ANKRD36C: variants seen among roughly 807,000 people sequenced by gnomAD.
ANKRD36C encodes ankyrin repeat domain 36C.
ANKRD36C carries 61 observed loss-of-function variants against 276.4 expected under a neutral mutation model. That is an observed-to-expected ratio of 0.22 (90% CI 0.18 to 0.27). ANKRD36C has a LOEUF of 0.27. Ranked by LOEUF, ANKRD36C falls within the 10% of genes least tolerant of loss-of-function variation. The pLI, the probability that ANKRD36C is intolerant of heterozygous loss-of-function variation, is 1.00. For synonymous variants in ANKRD36C, 483 were observed against 680.1 expected, an observed-to-expected ratio of 0.71 and a Z score of 4.51; for missense variants, 1,447 against 2,032.3, an observed-to-expected ratio of 0.71 and a Z score of 5.54.
chr2:95,912,770 T>A (rs960086621), intron 40 of ANKRD36C, among the ~76,000 whole-genome samples: 2 of 151,490 alleles, frequency 1.3e-5, no homozygotes, highest in African/African-American at 4.8e-5. Flanking sequence ...CACGTGAGAA[T>A]CAATGTCAGA....
Position 95,903,033 on chromosome 2 carries a change from A to G in ANKRD36C, c.2654-3697T>C, listed in dbSNP as rs1676703685. 6.4e-7 allele frequency: 1 copy of G among 1,570,458 alleles called. No individual in the cohort carries two copies. Among genetic ancestry groups the G allele is most frequent in the African/African-American group, 1.4e-5 (1 of 73,386 alleles). On this transcript the variant is annotated intron_variant, in intron 42 of 66. Coordinates refer to ENST00000456556, the Ensembl canonical transcript of ANKRD36C. ...GACTATACATTTACTAGTTCACAAT[A>G]TAAATGACAGTTTCATTACCTTCAA...
Position 95,953,186 on chromosome 2 carries a change from ACTCT to A in ANKRD36C, c.1203+749_1203+752del, listed in dbSNP as rs570777195. Among the ~76,000 whole-genome samples, 35 of 152,148 alleles carry A rather than the reference ACTCT, an allele frequency of 2.3e-4. No homozygotes were observed. The East Asian group carries it at 4.8e-3, about 21-fold the overall frequency. On this transcript the variant is annotated intron_variant, in intron 14 of 66. Transcript: ENST00000456556. ...AAAAGGCTTGGAAAACACAGTGTAA[ACTCT>A]CTCTAATACAGATTTGAGCACAGAA...
intron 30 of ANKRD36C, 127 bp from the exon 31 acceptor site, chr2:95,923,816 C>A: frequency 1.5e-6 from 2 of 1,369,796 alleles, no homozygotes; most frequent in South Asian, 1.3e-5. Flanking sequence ...ATTTTTGTGT[C>A]TGGGGACTGG....
intron 54 of ANKRD36C, 60 bp downstream of exon 74, chr2:95,884,113 G>A (rs1235068549): frequency 7.9e-6 from 12 of 1,527,754 alleles, no homozygotes; most frequent in Non-Finnish European, 9.8e-6. Context: ...ATTTATTTGG[G>A]AAGAGAAGTT....
intron 14 of ANKRD36C, among the ~76,000 whole-genome samples, chr2:95,952,430 G>A (rs1176378481): frequency 5.3e-5 from 8 of 151,318 alleles, no homozygotes; most frequent in African/African-American, 2.0e-4. Flanking sequence ...TAAAATTCCA[G>A]CAACTTAACA....
At chr2:95,968,071 G>A (rs887320297) in intron 6 of ANKRD36C, among the ~76,000 whole-genome samples, 7 of 151,986 alleles carry the variant, frequency 4.6e-5, no homozygotes, top group African/African-American at 1.5e-4. Context: ...CAGCCAGGGT[G>A]ACAAAGTGAG....
intron 1 of ANKRD36C, among the ~76,000 whole-genome samples, chr2:95,989,505 G>A (rs996276578): frequency 2.6e-5 from 4 of 151,420 alleles, no homozygotes; most frequent in African/African-American, 9.7e-5. Context: ...ATCTGCAAAG[G>A]TCCCATATTG....
Position 95,916,406 on chromosome 2 carries a change from C to T in ANKRD36C, c.2348-235G>A, listed in dbSNP as rs183751279. On this transcript the variant is annotated intron_variant, in intron 36 of 66. Coordinates refer to ENST00000456556, the Ensembl canonical transcript of ANKRD36C. ...AAACATGGTATGATTTGTCATGTGT[C>T]GAAAACTAAAATAAAACCGTGTCAA... Among the ~76,000 whole-genome samples the T allele has an allele frequency of 9.6e-4, 146 of 151,504 alleles. 2 individuals are homozygous for T. The highest frequency in any genetic ancestry group is 3.9e-4 in the East Asian group (2 of 5,098).
At chr2:95,886,340 C>A in intron 50 of ANKRD36C, 96 bp from the exon 71 acceptor site, 1 of 1,058,434 alleles carries the variant, frequency 9.4e-7, no homozygotes, top group Non-Finnish European at 1.4e-6. Flanking sequence ...CCTCTGTCTG[C>A]AGTTATTAGT....
chr2:95,903,381 A>C (rs113142177), intron 42 of ANKRD36C, among the ~76,000 whole-genome samples: 6,186 of 148,904 alleles, frequency 0.042, 428 homozygotes, highest in East Asian at 0.15. Flanking sequence ...ACAAAGTGAT[A>C]TAAAATCAGA....
chr2:95,870,161 T>C (rs1675773163), intron 59 of ANKRD36C, among the ~76,000 whole-genome samples: 1 of 152,184 alleles, frequency 6.6e-6, no homozygotes, highest in Admixed American at 6.5e-5. Context: ...AAGACAGCAG[T>C]GGTTCTCCCA....
rs367648513 is a variant in ANKRD36C, at chr2:95,946,802, G to A, written c.1363-1628C>T. ...AAATCATCATTCTCAGTAAACTATC[G>A]CAAGAACAAAAAACCAAACACCGCA... is the stretch of plus-strand genomic sequence containing the variant. On this transcript the variant is annotated intron_variant, in intron 17 of 66. Transcript: ENST00000456556. 1.4e-4 allele frequency among the ~76,000 whole-genome samples: 21 copies of A among 151,616 alleles called. 1 individual carries two copies. In the South Asian group the frequency reaches 2.1e-3, roughly 15 times the overall value.
At chr2:95,851,746 T>G in exon 66 of ANKRD36C, 1 of 1,533,252 alleles carries the variant, frequency 6.5e-7, no homozygotes, top group Non-Finnish European at 8.8e-7. Context: ...TTCATCCTGT[T>G]TTTTAATAAT....
intron 61 of ANKRD36C, among the ~76,000 whole-genome samples, chr2:95,859,111 G>A (rs1227051224): frequency 6.6e-6 from 1 of 151,316 alleles, no homozygotes; most frequent in Non-Finnish European, 1.5e-5. Flanking sequence ...TCTGCTCACT[G>A]CAACCTCTGC....
chr2:95,880,718 G>T (rs1676058024), intron 56 of ANKRD36C, 95 bp from the exon 77 acceptor site: 1 of 1,423,016 alleles, frequency 7.0e-7, no homozygotes, highest in African/African-American at 1.4e-5. Flanking sequence ...GAATACTCTT[G>T]CCTGTATTAG....
chr2:95,872,183 GA>G (rs1214612000), intron 59 of ANKRD36C, among the ~76,000 whole-genome samples: 1 of 143,734 alleles, frequency 7.0e-6, no homozygotes, highest in Non-Finnish European at 1.5e-5. Flanking sequence ...GACATCTACA[GA>G]ACTCTCCACC....
chr2:95,921,463 A>G, intron 34 of ANKRD36C, 144 bp downstream of exon 34: 1 of 1,209,928 alleles, frequency 8.3e-7, no homozygotes. Flanking sequence ...AGAATTTATT[A>G]CAAATGAAGA....
chr2:95,885,418 AT>A (rs1676176793), intron 52 of ANKRD36C, among the ~76,000 whole-genome samples: 1 of 151,696 alleles, frequency 6.6e-6, no homozygotes, highest in African/African-American at 2.4e-5. Flanking sequence ...CTTTATCCCA[AT>A]TCTAGCATTG....
intron 24 of ANKRD36C, among the ~76,000 whole-genome samples, chr2:95,930,448 T>G (rs1677533925): frequency 6.6e-6 from 1 of 151,678 alleles, no homozygotes; most frequent in African/African-American, 2.4e-5. Flanking sequence ...AATCATTTTA[T>G]TTATACTCAT....
Sources: gnomAD v4.1 joint callset for allele counts (sites outside exome capture counted in the v4.1 genomes callset) on GRCh38, gnomAD v4.1.1 for gene constraint, MANE v1.5 for transcripts, NCBI Gene and HGNC (gene_info 2026-07-23, HGNC 2026-07-21) for gene names.